The following DENND1A variants were observed in gnomAD, a reference collection of about 807,000 sequenced individuals.
DENND1A encodes the protein DENN domain-containing protein 1A.
A neutral mutation model predicts 113.7 loss-of-function variants in DENND1A; 51 were observed. The ratio of observed to expected loss-of-function variants is 0.45; its 90% CI spans 0.36 to 0.57. DENND1A has a LOEUF of 0.57. Among genes scored for constraint, DENND1A ranks in the 20% least tolerant of loss-of-function variants. DENND1A has a pLI of 0.00. For missense variants in DENND1A, 1,258 were observed against 1,395.9 expected, an observed-to-expected ratio of 0.90 and a Z score of 1.57; for synonymous variants, 565 against 570.8, an observed-to-expected ratio of 0.99 and a Z score of 0.14.
chr9:123,387,350 ACT>A (rs1039472693), intron 22 of DENND1A, among the ~76,000 whole-genome samples: 46 of 152,130 alleles, frequency 3.0e-4, no homozygotes, highest in African/African-American at 1.1e-3. Context: ...TTTAACTTAA[ACT>A]CTGATTCCCA....
intron 10 of DENND1A, among the ~76,000 whole-genome samples, chr9:123,622,110 A>C (rs1400078249): frequency 1.3e-5 from 2 of 152,232 alleles, no homozygotes. Flanking sequence ...GTAAAATCGA[A>C]ACCTTCACTG....
chr9:123,485,651 C>CGCGCACACACACGCGCGT (rs2050772916), intron 13 of DENND1A: 2 of 48,846 alleles, frequency 4.1e-5, no homozygotes, highest in Admixed American at 3.9e-4. Flanking sequence ...CACACGCGCG[C>CGCGCACACACACGCGCGT]GCGCGCACAC....
intron 5 of DENND1A, among the ~76,000 whole-genome samples, chr9:123,709,276 C>G (rs548311735): frequency 9.1e-4 from 138 of 152,310 alleles, no homozygotes; most frequent in Non-Finnish European, 1.3e-3. Flanking sequence ...CCCAGGCCCC[C>G]CTCTGAGCAC....
chr9:123,891,302 G>C (rs1849862731), intron 1 of DENND1A, among the ~76,000 whole-genome samples: 1 of 152,168 alleles, frequency 6.6e-6, no homozygotes. Flanking sequence ...TGTCATCATA[G>C]ATCACAGTCA....
At chr9:123,583,828 A>C (rs140183009) in intron 11 of DENND1A, among the ~76,000 whole-genome samples, 115 of 152,352 alleles carry the variant, frequency 7.5e-4, no homozygotes, top group African/African-American at 2.7e-3. Flanking sequence ...ATATCCAGTT[A>C]GTAATGGCTC....
chr9:123,845,419 C>G (rs1233622077), intron 2 of DENND1A, among the ~76,000 whole-genome samples: 1 of 151,856 alleles, frequency 6.6e-6, no homozygotes, highest in African/African-American at 2.4e-5. Flanking sequence ...AATCCCAACA[C>G]TTTGGGAAGC....
At chr9:123,602,504 C>T (rs1171343086) in intron 11 of DENND1A, among the ~76,000 whole-genome samples, 4 of 152,200 alleles carry the variant, frequency 2.6e-5, no homozygotes, top group African/African-American at 9.7e-5. Flanking sequence ...TCCTACTTCG[C>T]AGAGAGTGTC....
At chr9:123,769,484 T>C in intron 4 of DENND1A, 30 bp downstream of exon 4, 2 of 1,581,072 alleles carry the variant, frequency 1.3e-6, no homozygotes, top group Non-Finnish European at 1.7e-6. Context: ...GATACTTTTT[T>C]TCTAGTAAAG....
chr9:123,471,880 A>C (rs2049457704), intron 13 of DENND1A, among the ~76,000 whole-genome samples: 1 of 152,194 alleles, frequency 6.6e-6, no homozygotes, highest in South Asian at 2.1e-4. Context: ...TTTCTACACA[A>C]AAATGTCCTT....
At chr9:123,865,473 TG>T (rs5900589) in intron 2 of DENND1A, among the ~76,000 whole-genome samples, 13,106 of 152,258 alleles carry the variant, frequency 0.086, 947 homozygotes, top group African/African-American at 0.2. Context: ...GCCTTAGGAC[TG>T]GTCCCAGGGC....
intron 11 of DENND1A, among the ~76,000 whole-genome samples, chr9:123,600,334 G>A (rs979170220): frequency 2.6e-5 from 4 of 152,084 alleles, no homozygotes; most frequent in African/African-American, 9.7e-5. Context: ...GTGTTTTCAT[G>A]TACCTTCTTA....
At chr9:123,518,428 G>T (rs1230089019) in intron 13 of DENND1A, among the ~76,000 whole-genome samples, 1 of 152,002 alleles carries the variant, frequency 6.6e-6, no homozygotes. Context: ...AAAAACAAAA[G>T]CTTCATCTAG....
At chr9:123,816,388 G>T (rs1199998723) in intron 2 of DENND1A, among the ~76,000 whole-genome samples, 1 of 152,140 alleles carries the variant, frequency 6.6e-6, no homozygotes, top group African/African-American at 2.4e-5. Context: ...AGGTTTGTAT[G>T]ATTCCAAATT....
chr9:123,750,370 A>G (rs774365562), intron 5 of DENND1A, among the ~76,000 whole-genome samples: 6 of 152,184 alleles, frequency 3.9e-5, no homozygotes, highest in Non-Finnish European at 7.3e-5. Context: ...ATTCAGAAAA[A>G]CTAGTTATAA....
intron 2 of DENND1A, among the ~76,000 whole-genome samples, chr9:123,817,084 T>C (rs1170370929): frequency 6.6e-6 from 1 of 152,184 alleles, no homozygotes; most frequent in Non-Finnish European, 1.5e-5. Flanking sequence ...CCAACCTCTC[T>C]ATAATAACCT....
At chr9:123,612,376 CTTCT>C (rs1218077027) in intron 10 of DENND1A, among the ~76,000 whole-genome samples, 5 of 152,270 alleles carry the variant, frequency 3.3e-5, no homozygotes, top group African/African-American at 1.2e-4. Context: ...CTTGGAACCT[CTTCT>C]TTGTCTTTTT....
At chr9:123,742,101 G>T (rs537984416) in intron 5 of DENND1A, among the ~76,000 whole-genome samples, 1 of 152,182 alleles carries the variant, frequency 6.6e-6, no homozygotes, top group Non-Finnish European at 1.5e-5. Context: ...AACGCTGTTT[G>T]TCCCCTCGGC....
chr9:123,705,395 A>C (rs2066133170), intron 5 of DENND1A, among the ~76,000 whole-genome samples: 1 of 152,180 alleles, frequency 6.6e-6, no homozygotes. Context: ...AAGGGGAAAA[A>C]AGGTAAAGTG....
At chr9:123,463,241 C>A (rs1476754805) in intron 13 of DENND1A, among the ~76,000 whole-genome samples, 1 of 152,172 alleles carries the variant, frequency 6.6e-6, no homozygotes, top group African/African-American at 2.4e-5. Flanking sequence ...AGCTGCTTAA[C>A]CCTGTCGAGA....
Sources: allele counts gnomAD v4.1 joint callset (sites outside exome capture counted in the v4.1 genomes callset), GRCh38; gene constraint gnomAD v4.1.1; transcripts MANE v1.5; gene names NCBI Gene and HGNC (gene_info 2026-07-23, HGNC 2026-07-21).